Variants in FGFR2 observed in about 807,000 individuals in gnomAD.
FGFR2 encodes BEK fibroblast growth factor receptor.
In FGFR2, 19 loss-of-function variants were observed where a neutral mutation model predicts 95.9. The observed-to-expected ratio is 0.20, with a 90% CI of 0.14 to 0.29. FGFR2 has a LOEUF of 0.29. Ranked by LOEUF, FGFR2 falls within the 10% of genes least tolerant of loss-of-function variation. FGFR2 has a pLI of 1.00. For missense variants in FGFR2, 707 were observed against 1,056.9 expected (o/e 0.67, Z 4.59); for synonymous variants, 392 against 393.3 (o/e 1.00, Z 0.04).
At position 121,517,563 on chromosome 10, in the gene FGFR2, G is replaced by T. The variant is rs1202042569; in HGVS notation, c.940-100C>A. On this transcript the variant is annotated intron_variant, in intron 7 of 17. Transcript: ENST00000358487. The surrounding 1 kb of genome is among the most constrained non-coding windows in gnomAD (Gnocchi z 4.7). ...GGCGTCGCACCGGGGGCTTCAGGGG[G>T]TGCTGGCCACTGGGAGATTCCGACT... is the stretch of plus-strand genomic sequence containing the variant. 4 of 1,423,798 alleles carry T rather than the reference G, an allele frequency of 2.8e-6. No homozygotes were observed. The highest frequency in any genetic ancestry group is 1.2e-5 in the South Asian group (1 of 84,944). The allele number at this position is 1,423,798 out of a possible 1,614,324, so 88.2% of individuals were successfully genotyped here.
chr10:121,531,785 C>CA lies in FGFR2; in HGVS notation c.748+6806dup, dbSNP rs1420820016. 3.9e-5 allele frequency among the ~76,000 whole-genome samples: 6 copies of CA among 152,066 alleles called. No homozygotes were observed. The highest frequency in any genetic ancestry group is 7.4e-5 in the Non-Finnish European group (5 of 68,002). On this transcript the variant is annotated intron_variant, in intron 6 of 17. Coordinates refer to ENST00000358487, the MANE Select transcript of FGFR2 (RefSeq NM_000141.5). This position sits in a 1 kb window ranked among gnomAD's most constrained non-coding sequence, Gnocchi z 4.5. ...TCCACGTAATTTCCACCTGAACCTCCAGAGAGGGCATCTGGCACAGAGTAG... is the reference window on the plus strand; with the variant it reads ...TCCACGTAATTTCCACCTGAACCTCCAAGAGAGGGCATCTGGCACAGAGTAG...
At chr10:121,545,747 CT>C (rs1854406630) in intron 5 of FGFR2, among the ~76,000 whole-genome samples, 1 of 152,158 alleles carries the variant, frequency 6.6e-6, no homozygotes, top group African/African-American at 2.4e-5. Flanking sequence ...AGTAACTAAC[CT>C]AGAAAATGTA....
At chr10:121,565,088 G>A (rs1454357640) in intron 3 of FGFR2, among the ~76,000 whole-genome samples, 1 of 143,062 alleles carries the variant, frequency 7.0e-6, no homozygotes, top group Non-Finnish European at 1.5e-5. Flanking sequence ...AAATCATGGA[G>A]AGAAACTCAA....
At chr10:121,503,091 G>A (rs1028372656) in intron 10 of FGFR2, among the ~76,000 whole-genome samples, 3 of 152,198 alleles carry the variant, frequency 2.0e-5, no homozygotes, top group South Asian at 2.1e-4. Context: ...AGAGAATCAG[G>A]TGCCTCACCC....
chr10:121,590,312 G>A (rs924060045), intron 2 of FGFR2, among the ~76,000 whole-genome samples: 13 of 152,138 alleles, frequency 8.5e-5, no homozygotes, highest in Non-Finnish European at 1.5e-5. Context: ...AACCAGAGTA[G>A]GTGACAATGT....
At chr10:121,495,326 G>C (rs1378160943) in intron 13 of FGFR2, among the ~76,000 whole-genome samples, 2 of 151,836 alleles carry the variant, frequency 1.3e-5, no homozygotes, top group African/African-American at 4.8e-5. Context: ...AAATTAAAAA[G>C]AAAAAAGGCA....
intron 8 of FGFR2, 113 bp from the exon 9 acceptor site, chr10:121,515,432 G>C: frequency 9.6e-7 from 1 of 1,043,094 alleles, no homozygotes; most frequent in Non-Finnish European, 1.5e-6. Context: ...CCATTCTCAA[G>C]GCAAGGTGGG....
At position 121,593,844 on chromosome 10, in the gene FGFR2, T is replaced by C. The variant is rs1863047301; in HGVS notation, c.-27A>G. On this transcript the variant is annotated 5_prime_UTR_variant, in exon 2 of 18. Transcript: ENST00000358487. ...GTTACGGTACCAATCCCCGGTCCTC[T>C]TCCATATCTCCATGTGGACGTTAAT... 1 of 1,592,716 alleles carries C rather than the reference T, an allele frequency of 6.3e-7. No homozygotes were observed. Among genetic ancestry groups the C allele is most frequent in the African/African-American group, 1.3e-5 (1 of 74,512 alleles).
At chr10:121,497,147 A>AAAAAAG (rs1489013672) in intron 12 of FGFR2, among the ~76,000 whole-genome samples, 34 of 150,632 alleles carry the variant, frequency 2.3e-4, no homozygotes, top group East Asian at 1.2e-3. Flanking sequence ...AAAAAAAAAA[A>AAAAAAG]AAGAAGAAGA....
intron 2 of FGFR2, among the ~76,000 whole-genome samples, chr10:121,567,000 A>G (rs1187260146): frequency 6.6e-6 from 1 of 152,096 alleles, no homozygotes; most frequent in Non-Finnish European, 1.5e-5. Flanking sequence ...GGAGGCTTTC[A>G]TCCCTCCAGT....
At chr10:121,585,799 T>C (rs1861731236) in intron 2 of FGFR2, among the ~76,000 whole-genome samples, 1 of 152,256 alleles carries the variant, frequency 6.6e-6, no homozygotes, top group Non-Finnish European at 1.5e-5. Flanking sequence ...GAAACATTTA[T>C]AAATGTCCAC....
intron 1 of FGFR2, chr10:121,594,301 G>A (rs1863127209): frequency 3.7e-6 from 1 of 272,160 alleles, no homozygotes; most frequent in African/African-American, 2.2e-5. Context: ...TCAATGAGCA[G>A]AAGCAACGTG....
Position 121,517,214 on chromosome 10 carries a change from A to T in FGFR2, c.1084+105T>A. 1 of 1,256,834 alleles carries T rather than the reference A, an allele frequency of 8.0e-7. No homozygotes were observed. The highest frequency in any genetic ancestry group is 1.2e-6 in the Non-Finnish European group (1 of 861,302). 77.9% of individuals were successfully genotyped at this position (1,256,834 alleles called of 1,614,324 possible). On this transcript the variant is annotated intron_variant, in intron 8 of 17. Coordinates refer to ENST00000358487, the MANE Select transcript of FGFR2 (RefSeq NM_000141.5). The surrounding 1 kb of genome is among the most constrained non-coding windows in gnomAD (Gnocchi z 4.7). The stretch of plus-strand genomic sequence containing the variant: ...CATTTTTAACATTTTTTATATCTTT[A>T]TGCAAGGATAAAAGGGGCCATTTCT...
chr10:121,563,786 G>A (rs182961412), intron 4 of FGFR2, among the ~76,000 whole-genome samples: 226 of 152,302 alleles, frequency 1.5e-3, no homozygotes, highest in Non-Finnish European at 2.4e-3. Context: ...AAGAGGCTAC[G>A]CCATGTTCTT....
rs2134599938 is a variant in FGFR2, at chr10:121,538,585, A to G, written c.748+7T>C. ...TGCAGCCGCCACACGAGGAGAGGCA[A>G]ACTCACCCACAACATCCAGGTGGTA... On this transcript the variant is annotated splice_region_variant and intron_variant, in intron 6 of 17. Transcript: ENST00000358487. 2.5e-6 allele frequency: 4 copies of G among 1,614,186 alleles called. No individual in the cohort carries two copies. The highest frequency in any genetic ancestry group is 3.4e-6 in the Non-Finnish European group (4 of 1,180,032).
intron 2 of FGFR2, among the ~76,000 whole-genome samples, chr10:121,582,639 C>T (rs374951921): frequency 6.6e-6 from 1 of 152,130 alleles, no homozygotes; most frequent in East Asian, 1.9e-4. Context: ...TACAATTAGC[C>T]GGGCGTGGTG....
At chr10:121,507,803 G>A (rs1848518862) in intron 9 of FGFR2, among the ~76,000 whole-genome samples, 1 of 152,184 alleles carries the variant, frequency 6.6e-6, no homozygotes. Context: ...TTCTCTCTGG[G>A]TAACTTGGAG....
rs1013571892 is a variant in FGFR2 at position 121,479,405 on chromosome 10, T to C, written c.*452A>G. 1.7e-5 allele frequency: 6 copies of C among 343,712 alleles called. No homozygotes were observed. Among genetic ancestry groups the C allele is most frequent in the African/African-American group, 1.1e-4 (5 of 47,468 alleles). The allele number at this position is 343,712 out of a possible 1,614,324, so 21.3% of individuals were successfully genotyped here. A position where few individuals can be genotyped will look rare whatever the true frequency, so the allele number is the denominator to read the frequency against. ...CATTGGGACATCCATTTAAAATCAA[T>C]ACAAAAAATAACTCCTTGTAAATAT... On this transcript the variant is annotated 3_prime_UTR_variant, in exon 18 of 18. Transcript: ENST00000358487.
intron 4 of FGFR2, among the ~76,000 whole-genome samples, chr10:121,556,553 T>C (rs1856189519): frequency 6.6e-6 from 1 of 152,092 alleles, no homozygotes; most frequent in African/African-American, 2.4e-5. Context: ...ATGATATCAA[T>C]GTCATCCAGA....
Sources: allele counts gnomAD v4.1 joint callset (sites outside exome capture counted in the v4.1 genomes callset), GRCh38; gene constraint gnomAD v4.1.1; non-coding constraint Gnocchi (gnomAD v3.1); transcripts MANE v1.5; gene names NCBI Gene and HGNC (gene_info 2026-07-23, HGNC 2026-07-21).